Variants in NDUFAF2 observed in about 807,000 individuals in gnomAD.
The protein encoded by NDUFAF2 is NADH dehydrogenase [ubiquinone] 1 alpha subcomplex assembly factor 2.
In NDUFAF2, 13 loss-of-function variants were observed where a neutral mutation model predicts 22.8. The ratio of observed to expected loss-of-function variants is 0.57; its 90% CI spans 0.37 to 0.91. The LOEUF is 0.91. Among genes scored for constraint, NDUFAF2 ranks in the 40% least tolerant of loss-of-function variants. The probability of loss-of-function intolerance (pLI) is 0.01; values close to 1 mark genes in which losing one functional copy is unlikely to be tolerated. For synonymous variants in NDUFAF2, 53 were observed against 64.2 expected (o/e 0.83, Z 0.84); for missense variants, 162 against 195.2 (o/e 0.83, Z 1.01).
At chr5:61,131,140 G>T (rs748750483) in intron 3 of NDUFAF2, among the ~76,000 whole-genome samples, 9 of 151,868 alleles carry the variant, frequency 5.9e-5, no homozygotes, top group Non-Finnish European at 1.2e-4. Context: ...AAAGTTGTGG[G>T]GAAACAGGTA....
At chr5:60,974,271 T>C (rs1196979375) in intron 1 of NDUFAF2, among the ~76,000 whole-genome samples, 1 of 152,178 alleles carries the variant, frequency 6.6e-6, no homozygotes, top group Non-Finnish European at 1.5e-5. Context: ...AACATTAGAC[T>C]CCAAGTTCTT....
intron 1 of NDUFAF2, among the ~76,000 whole-genome samples, chr5:60,958,239 G>A (rs1463410276): frequency 1.3e-5 from 2 of 152,154 alleles, no homozygotes; most frequent in African/African-American, 2.4e-5. Context: ...TGGCCTTAGT[G>A]TCTGACCTTT....
chr5:60,958,529 A>G (rs1415452672), intron 1 of NDUFAF2, among the ~76,000 whole-genome samples: 1 of 152,136 alleles, frequency 6.6e-6, no homozygotes, highest in Non-Finnish European at 1.5e-5. Context: ...TATAACAACC[A>G]TGTAACCAGG....
Position 61,152,827 on chromosome 5 carries a change from C to G in NDUFAF2, c.382C>G (p.Gln128Glu). ...EELLPPPVQT[Q>E]IKGHASAPYF... The stretch of plus-strand genomic sequence containing the variant: ...ACTCCTGCCTCCACCAGTTCAAACT[C>G]AAATTAAAGGCCATGCCTCTGCTCC... The change falls in exon 4 of 4, where the codon CAA becomes GAA. Residue 128 changes from glutamine to glutamate, a missense_variant. Around this residue, in one of 2 missense-constraint regions of NDUFAF2, gnomAD observed 68 missense variants for 110.0 expected, o/e 0.62. Transcript: ENST00000296597. 1 of 1,605,798 alleles carries G rather than the reference C, an allele frequency of 6.2e-7. No individual in the cohort carries two copies.
intron 1 of NDUFAF2, among the ~76,000 whole-genome samples, chr5:61,041,644 G>A (rs1010328454): frequency 6.6e-6 from 1 of 152,138 alleles, no homozygotes; most frequent in Non-Finnish European, 1.5e-5. Context: ...TATAAGCAAC[G>A]TTTAGTTTAT....
chr5:60,987,708 A>C (rs953409030), intron 1 of NDUFAF2, among the ~76,000 whole-genome samples: 1 of 152,260 alleles, frequency 6.6e-6, no homozygotes. Flanking sequence ...TAGATGCAGA[A>C]AAAGCTTTTG....
rs1751067323 is a variant in NDUFAF2, at chr5:60,985,873, A to C, written c.127+40491A>C. ...TGGGAATTGTGGTAGTTACAATTCA[A>C]GATGAGATTTGGGTGGGGACACAGC... is the stretch of plus-strand genomic sequence containing the variant. On this transcript the variant is annotated intron_variant, in intron 1 of 3. Transcript: ENST00000296597. 2.0e-5 allele frequency among the ~76,000 whole-genome samples: 3 copies of C among 152,216 alleles called. No homozygotes were observed. In the South Asian group the frequency reaches 6.2e-4, roughly 32 times the overall value.
In NDUFAF2 at chr5:61,087,211, G is replaced by A. The variant is rs948737375; in HGVS notation, c.218-11781G>A. 3.9e-5 allele frequency among the ~76,000 whole-genome samples: 6 copies of A among 152,120 alleles called. No homozygotes were observed. In the South Asian group the frequency reaches 1.2e-3, roughly 32 times the overall value. On this transcript the variant is annotated intron_variant, in intron 2 of 3. Coordinates refer to ENST00000296597, the MANE Select transcript of NDUFAF2 (RefSeq NM_174889.5). Reference sequence around the variant, plus strand: ...GCATGCACAAAAAAAGAAGTCATATGGGTACACATTGAGAAGATGGCTGCC... The same window carrying A: ...GCATGCACAAAAAAAGAAGTCATATAGGTACACATTGAGAAGATGGCTGCC...
chr5:61,130,870 C>T (rs919784320), intron 3 of NDUFAF2, among the ~76,000 whole-genome samples: 6 of 152,024 alleles, frequency 3.9e-5, no homozygotes, highest in South Asian at 4.1e-4. Flanking sequence ...CATAACAATA[C>T]GAAACAGTAC....
At chr5:61,118,935 TTTTA>T (rs958121230) in intron 3 of NDUFAF2, among the ~76,000 whole-genome samples, 2 of 152,154 alleles carry the variant, frequency 1.3e-5, no homozygotes, top group African/African-American at 2.4e-5. Context: ...GTCTGTAGTG[TTTTA>T]TTTCTTAAGT....
chr5:61,139,523 T>G (rs159373), intron 3 of NDUFAF2, among the ~76,000 whole-genome samples: 6,666 of 152,344 alleles, frequency 0.044, 180 homozygotes, highest in South Asian at 0.085. Flanking sequence ...GCTAACAGTT[T>G]GATAAAAAGA....
At chr5:61,089,799 A>T (rs1215364913) in intron 2 of NDUFAF2, among the ~76,000 whole-genome samples, 2 of 152,086 alleles carry the variant, frequency 1.3e-5, no homozygotes, top group African/African-American at 4.8e-5. Context: ...ATATTAATGG[A>T]TGAATTTTAT....
intron 1 of NDUFAF2, among the ~76,000 whole-genome samples, chr5:60,992,985 G>T (rs976526820): frequency 6.6e-6 from 1 of 152,168 alleles, no homozygotes; most frequent in Non-Finnish European, 1.5e-5. Context: ...GGGACTGTTG[G>T]TCTCGTTCCA....
chr5:61,124,032 G>A (rs975623550), intron 3 of NDUFAF2, among the ~76,000 whole-genome samples: 4 of 151,886 alleles, frequency 2.6e-5, no homozygotes, highest in African/African-American at 7.3e-5. Context: ...TTGTTTATGC[G>A]TTTTTGTATT....
chr5:61,061,260 A>T (rs1227391952), intron 1 of NDUFAF2, among the ~76,000 whole-genome samples: 1 of 152,184 alleles, frequency 6.6e-6, no homozygotes, highest in Non-Finnish European at 1.5e-5. Flanking sequence ...ACTAGTCATG[A>T]TAGTTAGAAA....
chr5:61,101,184 C>T (rs1163365703), intron 3 of NDUFAF2, among the ~76,000 whole-genome samples: 1 of 151,922 alleles, frequency 6.6e-6, no homozygotes, highest in Non-Finnish European at 1.5e-5. Context: ...AAAAAAATAG[C>T]TTATTTAGTT....
At chr5:61,104,787 T>C (rs1338532183) in intron 3 of NDUFAF2, among the ~76,000 whole-genome samples, 1 of 151,294 alleles carries the variant, frequency 6.6e-6, no homozygotes, top group Non-Finnish European at 1.5e-5. Flanking sequence ...AACAGGAGAC[T>C]GCTTGGTAAA....
intron 1 of NDUFAF2, among the ~76,000 whole-genome samples, chr5:61,010,948 C>T (rs1183572823): frequency 6.6e-6 from 1 of 152,042 alleles, no homozygotes; most frequent in Non-Finnish European, 1.5e-5. Context: ...GGCCTTTTGG[C>T]TGGCCTTTTA....
intron 3 of NDUFAF2, among the ~76,000 whole-genome samples, chr5:61,108,883 C>T (rs1201260850): frequency 6.6e-6 from 1 of 152,062 alleles, no homozygotes; most frequent in African/African-American, 2.4e-5. Flanking sequence ...TAATTTATGC[C>T]AGGTATTGTG....
Sources: allele counts gnomAD v4.1 joint callset (sites outside exome capture counted in the v4.1 genomes callset), GRCh38; gene constraint gnomAD v4.1.1; regional missense constraint gnomAD v4.1.1; transcripts MANE v1.5; gene names NCBI Gene and HGNC (gene_info 2026-07-23, HGNC 2026-07-21).